TMEM126A: variants seen among roughly 807,000 people sequenced by gnomAD.
TMEM126A encodes optic atrophy 7.
TMEM126A carries 10 observed loss-of-function variants against 18.3 expected under a neutral mutation model. The observed-to-expected ratio is 0.55, with a 90% CI of 0.34 to 0.93. The LOEUF (loss-of-function observed/expected upper bound fraction) is 0.93, where lower values mean the gene tolerates loss of function less well. TMEM126A is among the 40% of genes least tolerant of loss of function. The pLI is 0.02. For missense variants in TMEM126A, 246 were observed against 230.2 expected, an observed-to-expected ratio of 1.07 and a Z score of -0.44; for synonymous variants, 68 against 78.1, an observed-to-expected ratio of 0.87 and a Z score of 0.68.
chr11:85,653,992 A>G, intron 2 of TMEM126A, 71 bp from the exon 3 acceptor site: 3 of 1,542,174 alleles, frequency 1.9e-6, no homozygotes, highest in Non-Finnish European at 2.7e-6. Context: ...GTCCTATAAC[A>G]CATGTCAAGA....
intron 2 of TMEM126A, among the ~76,000 whole-genome samples, chr11:85,650,657 GTC>G (rs2082492544): frequency 6.6e-6 from 1 of 152,172 alleles, no homozygotes; most frequent in African/African-American, 2.4e-5. Flanking sequence ...CTTTTAAAAT[GTC>G]TTTTTTTTCC....
chr11:85,654,827 C>T (rs532499294), intron 3 of TMEM126A, among the ~76,000 whole-genome samples: 13 of 150,694 alleles, frequency 8.6e-5, no homozygotes, highest in Non-Finnish European at 1.8e-4. Flanking sequence ...TCCATATATA[C>T]ATATATATGA....
chr11:85,653,217 C>A (rs554225025), intron 2 of TMEM126A, among the ~76,000 whole-genome samples: 34 of 152,270 alleles, frequency 2.2e-4, no homozygotes, highest in South Asian at 2.1e-4. Flanking sequence ...CAATGAGTGA[C>A]AGGCATCATG....
chr11:85,649,444 CTG>C (rs1261790455), intron 1 of TMEM126A, among the ~76,000 whole-genome samples: 1 of 152,174 alleles, frequency 6.6e-6, no homozygotes, highest in Non-Finnish European at 1.5e-5. Context: ...TCAACAAAGG[CTG>C]TATGTTACCT....
At chr11:85,656,236 T>C (rs2082537111) in intron 4 of TMEM126A, 73 bp from the exon 5 acceptor site, 5 of 1,248,938 alleles carry the variant, frequency 4.0e-6, no homozygotes, top group Non-Finnish European at 4.6e-6. Context: ...CTAGGACTAA[T>C]ATGTATCACA....
chr11:85,650,847 A>AT (rs933245651), intron 2 of TMEM126A, among the ~76,000 whole-genome samples: 1 of 152,096 alleles, frequency 6.6e-6, no homozygotes, highest in African/African-American at 2.4e-5. Flanking sequence ...GGGTGGGCAG[A>AT]TCACCTGAGG....
chr11:85,652,848 G>A (rs972101017), intron 2 of TMEM126A, among the ~76,000 whole-genome samples: 7 of 151,474 alleles, frequency 4.6e-5, no homozygotes, highest in African/African-American at 9.7e-5. Flanking sequence ...TTGTTTACCT[G>A]AGCATTGGGA....
intron 1 of TMEM126A, 103 bp from the exon 2 acceptor site, chr11:85,650,146 G>T: frequency 1.4e-6 from 1 of 700,658 alleles, no homozygotes; most frequent in African/African-American, 1.8e-5. Flanking sequence ...TGTATGCAAT[G>T]ATTTTTTTCA....
Position 85,656,306 on chromosome 11 carries a change from C to A in TMEM126A, c.396-3C>A, listed in dbSNP as rs2082538930. The A allele has an allele frequency of 6.2e-7, 1 of 1,609,842 alleles. No homozygotes were observed. The highest frequency in any genetic ancestry group is 1.3e-5 in the African/African-American group (1 of 74,916). On this transcript the variant is annotated splice_polypyrimidine_tract_variant and splice_region_variant and intron_variant, in intron 4 of 4. Transcript: ENST00000304511. The stretch of plus-strand genomic sequence containing the variant: ...ATTGAACTATCTCAATGTTTTCTTA[C>A]AGGTATCAATCAGCTCTGTTACCAC...
At chr11:85,651,282 C>T (rs1459214269) in intron 2 of TMEM126A, among the ~76,000 whole-genome samples, 1 of 152,000 alleles carries the variant, frequency 6.6e-6, no homozygotes, top group Non-Finnish European at 1.5e-5. Context: ...ATATGCCTAG[C>T]CACAAGATAG....
intron 1 of TMEM126A, 50 bp downstream of exon 1, chr11:85,648,139 G>A (rs1402494125): frequency 6.6e-6 from 1 of 152,402 alleles, no homozygotes; most frequent in Non-Finnish European, 1.5e-5. Context: ...GGTGTCAGGA[G>A]AAGCACGACG....
chr11:85,653,197 G>A (rs572176136), intron 2 of TMEM126A, among the ~76,000 whole-genome samples: 1 of 152,152 alleles, frequency 6.6e-6, no homozygotes. Context: ...GCTGCATACA[G>A]TGGGGTTCTC....
chr11:85,653,912 A>G, intron 2 of TMEM126A, 151 bp from the exon 3 acceptor site: 1 of 857,994 alleles, frequency 1.2e-6, no homozygotes, highest in Non-Finnish European at 1.9e-6. Flanking sequence ...AAAAACCTAT[A>G]TATAAAGCAA....
At chr11:85,650,181 A>T in intron 1 of TMEM126A, 68 bp from the exon 2 acceptor site, 1 of 956,556 alleles carries the variant, frequency 1.0e-6, no homozygotes, top group Non-Finnish European at 1.6e-6. Flanking sequence ...TATTATTTTT[A>T]GTCTTCAGAA....
chr11:85,656,159 CA>C (rs757006118), intron 4 of TMEM126A, 149 bp from the exon 5 acceptor site: 2 of 730,580 alleles, frequency 2.7e-6, no homozygotes, highest in Non-Finnish European at 4.4e-6. Context: ...GATAAAGAAA[CA>C]AAAGTTTTTA....
chr11:85,655,214 C>A (rs977949560), intron 3 of TMEM126A, among the ~76,000 whole-genome samples: 1 of 152,060 alleles, frequency 6.6e-6, no homozygotes, highest in African/African-American at 2.4e-5. Context: ...TGTTTTAATT[C>A]CCATGACCAG....
At chr11:85,652,987 G>A (rs988942090) in intron 2 of TMEM126A, among the ~76,000 whole-genome samples, 2 of 151,602 alleles carry the variant, frequency 1.3e-5, no homozygotes, top group African/African-American at 2.4e-5. Flanking sequence ...GGTTTTTGTG[G>A]TTGGTAGGTT....
Position 85,654,227 on chromosome 11 carries a change from G to A in TMEM126A, c.251G>A (p.Arg84Lys). ...TTTCTTACAACAGACTTAACTTACA[G>A]ATGTTTTGTAAGTTTTCCTTTGAAT... ...IPFLTTDLTYRCFVSFPLNTG... is the reference protein window; with the variant it reads ...IPFLTTDLTYKCFVSFPLNTG... Residue 84 changes from arginine (R) to lysine (K), a missense_variant, in exon 3 of 5, where the codon AGA (arginine) becomes AAA (lysine). Arg to Lys is a conservative substitution (Grantham distance 26). Transcript: ENST00000304511. 6.2e-7 allele frequency: 1 copy of A among 1,614,154 alleles called. No individual in the cohort carries two copies.
At chr11:85,649,621 A>G (rs1337421508) in intron 1 of TMEM126A, among the ~76,000 whole-genome samples, 1 of 152,166 alleles carries the variant, frequency 6.6e-6, no homozygotes, top group Non-Finnish European at 1.5e-5. Flanking sequence ...ACCCCACAGA[A>G]TGTACACAGA....
Sources: gnomAD v4.1 joint callset for allele counts (sites outside exome capture counted in the v4.1 genomes callset) on GRCh38, gnomAD v4.1.1 for gene constraint, MANE v1.5 for transcripts, NCBI Gene and HGNC (gene_info 2026-07-23, HGNC 2026-07-21) for gene names.